SHROOM4: variants seen among roughly 807,000 people sequenced by gnomAD.
The protein encoded by SHROOM4 is shroom family member 4.
SHROOM4 carries 17 observed loss-of-function variants against 80.3 expected under a neutral mutation model. That is an observed-to-expected ratio of 0.21 (90% CI 0.14 to 0.32). The LOEUF (loss-of-function observed/expected upper bound fraction) is 0.32, where lower values mean the gene tolerates loss of function less well. SHROOM4 is among the 10% of genes least tolerant of loss of function. The probability of loss-of-function intolerance (pLI) is 1.00; values close to 1 mark genes in which losing one functional copy is unlikely to be tolerated. For missense variants in SHROOM4, 993 were observed against 1,140.3 expected, an observed-to-expected ratio of 0.87 and a Z score of 1.86; for synonymous variants, 400 against 437.5, an observed-to-expected ratio of 0.91 and a Z score of 1.07.
At chrX:50,624,346 C>T (rs1470361065) in intron 5 of SHROOM4, among the ~76,000 whole-genome samples, 1 of 111,411 alleles carries the variant, frequency 9.0e-6, no homozygotes, top group Non-Finnish European at 1.9e-5. Context: ...TTATCTTCTA[C>T]ACTGGCAGAT....
At chrX:50,731,900 C>T (rs1369289770) in intron 1 of SHROOM4, among the ~76,000 whole-genome samples, 1 of 111,868 alleles carries the variant, frequency 8.9e-6, no homozygotes, top group Non-Finnish European at 1.9e-5. Context: ...TGGGAGTAGA[C>T]TCATGAATCT....
chrX:50,598,177 T>C, intron 8 of SHROOM4, 89 bp downstream of exon 8: 1 of 1,137,974 alleles, frequency 8.8e-7, no homozygotes. Flanking sequence ...CTCTACTGTT[T>C]CCTATAGTAG....
At chrX:50,749,764 G>A (rs782107545) in intron 1 of SHROOM4, among the ~76,000 whole-genome samples, 2 of 111,879 alleles carry the variant, frequency 1.8e-5, no homozygotes, top group Non-Finnish European at 1.9e-5. Flanking sequence ...TAAGATGTAT[G>A]AGAAAGTGGT....
intron 1 of SHROOM4, among the ~76,000 whole-genome samples, chrX:50,737,524 G>A (rs978228266): frequency 9.0e-6 from 1 of 111,278 alleles, no homozygotes; most frequent in Admixed American, 9.6e-5. Flanking sequence ...GATGTACCAC[G>A]CAGAGTAACC....
intron 7 of SHROOM4, among the ~76,000 whole-genome samples, chrX:50,602,129 T>C (rs1433394013): frequency 1.8e-5 from 2 of 108,842 alleles, no homozygotes; most frequent in Non-Finnish European, 3.8e-5. Flanking sequence ...TCACTCTTGG[T>C]TGCCCAGGCT....
At chrX:50,715,151 T>C (rs1557264702) in intron 1 of SHROOM4, among the ~76,000 whole-genome samples, 2 of 111,547 alleles carry the variant, frequency 1.8e-5, no homozygotes, top group Admixed American at 1.9e-4. Flanking sequence ...CTCTTATTGC[T>C]TGATACGCTC....
At chrX:50,616,246 C>T (rs17003375) in intron 5 of SHROOM4, among the ~76,000 whole-genome samples, 4,592 of 111,432 alleles carry the variant, frequency 0.041, 216 homozygotes, top group African/African-American at 0.14. Flanking sequence ...TTTCTTCATT[C>T]TGGAGGAGTT....
chrX:50,688,756 G>A (rs1933146108), intron 2 of SHROOM4, among the ~76,000 whole-genome samples: 1 of 110,297 alleles, frequency 9.1e-6, no homozygotes, highest in Non-Finnish European at 1.9e-5. Flanking sequence ...TGCGTTCTCA[G>A]CACCTAGTAC....
chrX:50,712,228 C>T (rs1367996353), intron 1 of SHROOM4, among the ~76,000 whole-genome samples: 1 of 111,332 alleles, frequency 9.0e-6, no homozygotes, highest in East Asian at 2.8e-4. Flanking sequence ...GCCTGGGCCA[C>T]GACCTTATAT....
intron 1 of SHROOM4, among the ~76,000 whole-genome samples, chrX:50,798,643 G>GC (rs782566220): frequency 9.0e-6 from 1 of 111,148 alleles, no homozygotes; most frequent in Non-Finnish European, 1.9e-5. Flanking sequence ...ACATTACTTT[G>GC]CCCCTCTGAA....
chrX:50,794,160 C>T (rs1935912034), intron 1 of SHROOM4, among the ~76,000 whole-genome samples: 1 of 111,582 alleles, frequency 9.0e-6, no homozygotes, highest in African/African-American at 3.3e-5. Flanking sequence ...GCCAGTGCAT[C>T]AACATAAATT....
At chrX:50,654,630 A>G (rs1277832094) in intron 2 of SHROOM4, among the ~76,000 whole-genome samples, 1 of 110,209 alleles carries the variant, frequency 9.1e-6, no homozygotes, top group Non-Finnish European at 1.9e-5. Context: ...TGTATATTAG[A>G]TTTCCAGAAC....
intron 8 of SHROOM4, 78 bp downstream of exon 8, chrX:50,598,188 C>T: frequency 1.7e-6 from 2 of 1,169,368 alleles, no homozygotes; most frequent in Non-Finnish European, 2.3e-6. Flanking sequence ...CCTATAGTAG[C>T]CCAACTTGAA....
intron 1 of SHROOM4, among the ~76,000 whole-genome samples, chrX:50,745,450 CA>C (rs1459483804): frequency 2.9e-5 from 3 of 104,486 alleles, no homozygotes; most frequent in Non-Finnish European, 4.0e-5. Flanking sequence ...AACAAAAAAA[CA>C]AAAAAAAAAC....
chrX:50,635,489 G>T lies in SHROOM4; in HGVS notation c.584C>A (p.Ala195Asp). ...GGCACAGTCAGAAGCATTTGAGCTG[G>T]CCGAGAAGGAGCTGTAGGCTGAGTC... is the stretch of plus-strand genomic sequence containing the variant. ...QRDSAYSSFS[A>D]SSNASDCALS... Residue 195 changes from alanine (A) to aspartate (D), a missense_variant, in exon 4 of 9, where the codon GCC (alanine) becomes GAC (aspartate). By Grantham distance (126) the Ala-to-Asp change is moderately radical. Coordinates refer to ENST00000376020, the MANE Select transcript of SHROOM4 (RefSeq NM_020717.5). 8.3e-7 allele frequency: 1 copy of T among 1,210,895 alleles called. No individual in the cohort carries two copies. The highest frequency in any genetic ancestry group is 1.1e-6 in the Non-Finnish European group (1 of 895,091).
At chrX:50,795,663 T>C (rs922274267) in intron 1 of SHROOM4, among the ~76,000 whole-genome samples, 3 of 111,706 alleles carry the variant, frequency 2.7e-5, no homozygotes, top group African/African-American at 9.8e-5. Context: ...ACTGGGCATA[T>C]TCAGAAAATT....
intron 5 of SHROOM4, among the ~76,000 whole-genome samples, chrX:50,625,495 A>G (rs894587826): frequency 2.8e-4 from 31 of 112,192 alleles, no homozygotes; most frequent in Non-Finnish European, 2.4e-4. Context: ...TAAAGCTGAC[A>G]GGGAAATGAA....
At chrX:50,803,241 G>A (rs1557272799) in intron 1 of SHROOM4, among the ~76,000 whole-genome samples, 1 of 112,497 alleles carries the variant, frequency 8.9e-6, no homozygotes, top group African/African-American at 3.2e-5. Flanking sequence ...CTAGTGCCCA[G>A]AATATGCACT....
At chrX:50,741,815 C>T (rs1557267225) in intron 1 of SHROOM4, among the ~76,000 whole-genome samples, 1 of 110,663 alleles carries the variant, frequency 9.0e-6, no homozygotes, top group African/African-American at 3.3e-5. Flanking sequence ...GAGTGTTTCC[C>T]AGGTTTTTTA....
Sources: gnomAD v4.1 joint callset for allele counts (sites outside exome capture counted in the v4.1 genomes callset) on GRCh38, gnomAD v4.1.1 for gene constraint, MANE v1.5 for transcripts, NCBI Gene and HGNC (gene_info 2026-07-23, HGNC 2026-07-21) for gene names.